FBN1: variants seen among roughly 807,000 people sequenced by gnomAD.
The protein encoded by FBN1 is fibrillin-1.
Under a neutral mutation model 365.1 loss-of-function variants are expected in FBN1, and 29 were observed. That is an observed-to-expected ratio of 0.08 (90% CI 0.06 to 0.11). The LOEUF (loss-of-function observed/expected upper bound fraction) is 0.11. FBN1 is among the 10% of genes least tolerant of loss of function. FBN1 has a pLI of 1.00. For synonymous variants in FBN1, 1,210 were observed against 1,270.5 expected (o/e 0.95, Z 1.01); for missense variants, 2,476 against 3,703.2 (o/e 0.67, Z 8.60).
chr15:48,455,598 T>C (rs1011663293), intron 44 of FBN1, among the ~76,000 whole-genome samples: 2 of 152,176 alleles, frequency 1.3e-5, no homozygotes, highest in African/African-American at 4.8e-5. Flanking sequence ...AGGTACCTGA[T>C]CCTTGATGGC....
rs1566916727 is a variant in FBN1 at position 48,515,507 on chromosome 15, T to C, written c.1348A>G (p.Thr450Ala). ...TAGCGGACCAACTGGCAGTAATCAG[T>C]AACGTTTACTGGCAGCACCCCTAGA... is the stretch of plus-strand genomic sequence containing the variant. Reference protein sequence around the residue: ...EPPRVLPVNVTDYCQLVRYLC... With the variant: ...EPPRVLPVNVADYCQLVRYLC... Residue 450 changes from threonine (T) to alanine (A), a missense_variant, in exon 12 of 66, where the codon ACT (threonine) becomes GCT (alanine). Coordinates refer to ENST00000316623, the MANE Select transcript of FBN1 (RefSeq NM_000138.5). 3.7e-6 allele frequency: 6 copies of C among 1,614,026 alleles called. No homozygotes were observed. The highest frequency in any genetic ancestry group is 5.1e-6 in the Non-Finnish European group (6 of 1,179,904).
chr15:48,454,250 T>C (rs1295179373), intron 44 of FBN1, among the ~76,000 whole-genome samples: 1 of 152,162 alleles, frequency 6.6e-6, no homozygotes. Flanking sequence ...AGAGAGTGCT[T>C]TGAGGTACAG....
intron 55 of FBN1, 93 bp downstream of exon 55, chr15:48,432,773 C>T: frequency 6.7e-7 from 1 of 1,502,792 alleles, no homozygotes; most frequent in Non-Finnish European, 9.2e-7. Flanking sequence ...TATTCCAATT[C>T]CCAGCCTTCT....
At chr15:48,616,017 T>C (rs1889644491) in intron 2 of FBN1, among the ~76,000 whole-genome samples, 1 of 152,240 alleles carries the variant, frequency 6.6e-6, no homozygotes, top group African/African-American at 2.4e-5. Flanking sequence ...CGCTCTTCTA[T>C]TTCCATCGTC....
intron 53 of FBN1, among the ~76,000 whole-genome samples, chr15:48,435,816 A>ATG (rs2141239067): frequency 6.9e-6 from 1 of 145,554 alleles, no homozygotes; most frequent in African/African-American, 2.5e-5. Context: ...GTGTGTATAT[A>ATG]TGCCTTCTAA....
chr15:48,494,462 A>G (rs1378703248), intron 22 of FBN1, among the ~76,000 whole-genome samples: 1 of 152,224 alleles, frequency 6.6e-6, no homozygotes, highest in African/African-American at 2.4e-5. Flanking sequence ...ATAAAGCTCA[A>G]TTCCACTAAG....
intron 65 of FBN1, 23 bp downstream of exon 65, chr15:48,412,546 G>A: frequency 6.2e-7 from 1 of 1,613,336 alleles, no homozygotes; most frequent in Non-Finnish European, 8.5e-7. Flanking sequence ...GGAGACATCA[G>A]GAGAAACTAA....
chr15:48,604,152 G>A (rs1027165350), intron 4 of FBN1, among the ~76,000 whole-genome samples: 1 of 148,310 alleles, frequency 6.7e-6, no homozygotes, highest in Non-Finnish European at 1.5e-5. Flanking sequence ...TGAGAGAGAG[G>A]CAGGGCTGGC....
intron 17 of FBN1, among the ~76,000 whole-genome samples, chr15:48,502,186 G>A (rs771205555): frequency 2.0e-5 from 3 of 152,096 alleles, no homozygotes; most frequent in African/African-American, 4.8e-5. Flanking sequence ...GCACCACCAC[G>A]CATGACTTTT....
At chr15:48,634,360 C>T (rs1195427763) in intron 2 of FBN1, among the ~76,000 whole-genome samples, 1 of 152,196 alleles carries the variant, frequency 6.6e-6, no homozygotes, top group African/African-American at 2.4e-5. Flanking sequence ...TCCTGACTCT[C>T]CTCCATAAGC....
rs192584798 is a variant in FBN1, at chr15:48,486,407, A to G, written c.3589+668T>C. ...CCAGGCAAAAACTGGCAGTTTCTAC[A>G]AAGTTTCACTTTGACTCGGGGCACA... is the stretch of plus-strand genomic sequence containing the variant. On this transcript the variant is annotated intron_variant, in intron 29 of 65. Coordinates refer to ENST00000316623, the MANE Select transcript of FBN1 (RefSeq NM_000138.5). Among the ~76,000 whole-genome samples, 36 of 152,314 alleles carry G rather than the reference A, an allele frequency of 2.4e-4. No individual in the cohort carries two copies. The East Asian group carries it at 6.0e-3, about 25-fold the overall frequency.
At chr15:48,504,409 A>G (rs1490190010) in intron 16 of FBN1, among the ~76,000 whole-genome samples, 1 of 152,234 alleles carries the variant, frequency 6.6e-6, no homozygotes, top group Non-Finnish European at 1.5e-5. Flanking sequence ...GAGAAAGTTT[A>G]ATCTGTAAAA....
At chr15:48,437,563 C>G in intron 51 of FBN1, 176 bp from the exon 52 acceptor site, 1 of 796,588 alleles carries the variant, frequency 1.3e-6, no homozygotes, top group Non-Finnish European at 2.1e-6. Context: ...GTTGTGTCTA[C>G]TCCTTGGGCA....
intron 6 of FBN1, among the ~76,000 whole-genome samples, chr15:48,561,307 G>A (rs370783550): frequency 1.1e-4 from 17 of 152,018 alleles, no homozygotes; most frequent in South Asian, 4.2e-4. Flanking sequence ...TTGTAGCCTG[G>A]GCAGAGTCAG....
intron 16 of FBN1, 60 bp downstream of exon 16, chr15:48,504,965 G>A (rs2141316992): frequency 6.2e-7 from 1 of 1,609,308 alleles, no homozygotes; most frequent in Non-Finnish European, 8.5e-7. Flanking sequence ...TTACCATTGG[G>A]CTTTATTGAG....
At chr15:48,639,328 G>T (rs889867937) in intron 2 of FBN1, among the ~76,000 whole-genome samples, 2 of 152,186 alleles carry the variant, frequency 1.3e-5, no homozygotes, top group African/African-American at 4.8e-5. Context: ...ATGCAAAACA[G>T]TAAGAACAGT....
intron 2 of FBN1, among the ~76,000 whole-genome samples, chr15:48,628,623 T>A (rs960473067): frequency 6.6e-6 from 1 of 152,222 alleles, no homozygotes; most frequent in Non-Finnish European, 1.5e-5. Flanking sequence ...TACTGTTAGA[T>A]ATTAAATAAT....
chr15:48,586,526 G>C (rs2044436134), intron 6 of FBN1, among the ~76,000 whole-genome samples: 1 of 152,152 alleles, frequency 6.6e-6, no homozygotes, highest in Non-Finnish European at 1.5e-5. Flanking sequence ...AACCAGGATG[G>C]CATGCACACT....
chr15:48,571,021 G>T (rs566564952), intron 6 of FBN1, among the ~76,000 whole-genome samples: 1 of 152,202 alleles, frequency 6.6e-6, no homozygotes, highest in East Asian at 1.9e-4. Flanking sequence ...CCAGAGAAAG[G>T]CCAAAGATCT....
Sources: allele counts gnomAD v4.1 joint callset (sites outside exome capture counted in the v4.1 genomes callset), GRCh38; gene constraint gnomAD v4.1.1; transcripts MANE v1.5; gene names NCBI Gene and HGNC (gene_info 2026-07-23, HGNC 2026-07-21).